Variants in DAPK1 observed in about 807,000 individuals in gnomAD.
DAPK1 encodes death-associated protein kinase 1.
Under a neutral mutation model 144.9 loss-of-function variants are expected in DAPK1, and 56 were observed. The ratio of observed to expected loss-of-function variants is 0.39; its 90% CI spans 0.31 to 0.48. The LOEUF is 0.48. Among genes scored for constraint, DAPK1 ranks in the 20% least tolerant of loss-of-function variants. DAPK1 has a pLI of 0.95. For missense variants in DAPK1, 1,454 were observed against 1,875.4 expected (o/e 0.78, Z 4.15); for synonymous variants, 690 against 749.0 (o/e 0.92, Z 1.29).
At chr9:87,676,672 A>C (rs1179390703) in intron 19 of DAPK1, among the ~76,000 whole-genome samples, 1 of 152,206 alleles carries the variant, frequency 6.6e-6, no homozygotes, top group Non-Finnish European at 1.5e-5. Flanking sequence ...GAGTGGGCAC[A>C]TCTTGGCCAA....
chr9:87,650,146 A>G, intron 16 of DAPK1, 28 bp downstream of exon 16: 1 of 1,611,904 alleles, frequency 6.2e-7, no homozygotes, highest in South Asian at 1.1e-5. Context: ...ACTCATATGC[A>G]CTGGGAAGTG....
rs796563931 is a variant in DAPK1 at position 87,707,373 on chromosome 9, T to C, written c.*9T>C. On this transcript the variant is annotated 3_prime_UTR_variant, in exon 26 of 26. Transcript: ENST00000408954. The surrounding 1 kb of genome is among the most constrained non-coding windows in gnomAD (Gnocchi z 4.0). ...CTGTTGTATCCCGGTGAGGGCAGCC[T>C]CTGGCTTGGGCAGGGTCTGTTTGGA... 9 of 1,578,722 alleles carry C rather than the reference T, an allele frequency of 5.7e-6. No homozygotes were observed. The African/African-American group carries it at 1.1e-4, about 19-fold the overall frequency.
At position 87,706,120 on chromosome 9, in the gene DAPK1, G is replaced by A. The variant is rs372796079; in HGVS notation, c.3061-12G>A. On this transcript the variant is annotated splice_polypyrimidine_tract_variant and intron_variant, in intron 25 of 25. Coordinates refer to ENST00000408954, the MANE Select transcript of DAPK1 (RefSeq NM_004938.4). This position sits in a 1 kb window ranked among gnomAD's most constrained non-coding sequence, Gnocchi z 9.0. ...CTGTCCCTAAGCGTGACTTTCTGTT[G>A]TCCCCCCGCAGATCAACATCATGCA... 1.9e-6 allele frequency: 3 copies of A among 1,570,772 alleles called. No individual in the cohort carries two copies. Among genetic ancestry groups the A allele is most frequent in the Admixed American group, 3.5e-5 (2 of 57,960 alleles).
intron 2 of DAPK1, among the ~76,000 whole-genome samples, chr9:87,579,897 A>G (rs1027872533): frequency 3.3e-5 from 5 of 152,212 alleles, no homozygotes; most frequent in Admixed American, 2.6e-4. Context: ...ACTACTAGGA[A>G]GTAACCACTT....
chr9:87,525,513 C>G, intron 2 of DAPK1: 3 of 1,184,480 alleles, frequency 2.5e-6, no homozygotes, highest in Non-Finnish European at 3.8e-6. Flanking sequence ...GGCATATACT[C>G]AATGAAAAAC....
chr9:87,571,494 C>CAA (rs1554684264), intron 2 of DAPK1, among the ~76,000 whole-genome samples: 1 of 35,140 alleles, frequency 2.8e-5, no homozygotes, highest in Non-Finnish European at 5.7e-5. Context: ...CACACACACA[C>CAA]CCCAACACAC....
chr9:87,587,429 G>C (rs972708431), intron 2 of DAPK1, among the ~76,000 whole-genome samples: 2 of 152,142 alleles, frequency 1.3e-5, no homozygotes, highest in Admixed American at 6.5e-5. Flanking sequence ...GAAATTTGAG[G>C]CTCCTTTGAA....
intron 2 of DAPK1, among the ~76,000 whole-genome samples, chr9:87,569,675 G>A (rs1471930829): frequency 6.6e-6 from 1 of 152,004 alleles, no homozygotes; most frequent in Non-Finnish European, 1.5e-5. Context: ...GTCAATGCGG[G>A]TGCATCCGGG....
chr9:87,679,619 A>C (rs530185716), intron 19 of DAPK1, among the ~76,000 whole-genome samples: 1 of 152,290 alleles, frequency 6.6e-6, no homozygotes, highest in African/African-American at 2.4e-5. Context: ...TATCTCCCCA[A>C]GACCATGGAT....
At chr9:87,626,493 A>C (rs1829500483) in intron 3 of DAPK1, among the ~76,000 whole-genome samples, 1 of 152,216 alleles carries the variant, frequency 6.6e-6, no homozygotes, top group African/African-American at 2.4e-5. Context: ...AAGCAACTTC[A>C]TGAACTGCTG....
Position 87,518,148 on chromosome 9 carries a change from A to G in DAPK1, c.62+19009A>G, listed in dbSNP as rs945403897. 8.3e-5 allele frequency among the ~76,000 whole-genome samples: 11 copies of G among 132,132 alleles called. 1 individual carries two copies. The highest frequency in any genetic ancestry group is 2.7e-4 in the African/African-American group (9 of 33,760). The allele number at this position is 132,132 out of a possible 152,430, so 86.7% of individuals were successfully genotyped here. On this transcript the variant is annotated intron_variant, in intron 2 of 25. Coordinates refer to ENST00000408954, the MANE Select transcript of DAPK1 (RefSeq NM_004938.4). ...TTTTTCTGAGATGGAGTCTGGCTCT[A>G]TCACCCAGGCTGAAGTGCAGTGGCA...
rs768913337 is a variant in DAPK1, at chr9:87,706,245, C to G, written c.3174C>G (p.His1058Gln). Residue 1058 changes from histidine to glutamine, a missense_variant, in exon 26 of 26, where the codon CAC (histidine) becomes CAG (glutamine). Around this residue, in one of 2 missense-constraint regions of DAPK1, gnomAD observed 1,025 missense variants for 1,237.9 expected, o/e 0.83. Transcript: ENST00000408954. The surrounding 1 kb of genome is among the most constrained non-coding windows in gnomAD (Gnocchi z 9.0). Reference sequence around the variant, plus strand: ...CCGTGGAGACCCCACGGGCGCTGCACCACTACCGGGGCCGCTACACCGTGG... The same window carrying G: ...CCGTGGAGACCCCACGGGCGCTGCAGCACTACCGGGGCCGCTACACCGTGG... ...LLSVETPRALHHYRGRYTVED... is the reference protein window; with the variant it reads ...LLSVETPRALQHYRGRYTVED... 1.2e-6 allele frequency: 2 copies of G among 1,613,704 alleles called. No homozygotes were observed. The highest frequency in any genetic ancestry group is 1.3e-5 in the African/African-American group (1 of 74,922).
chr9:87,508,430 C>G (rs1224459211), intron 2 of DAPK1, among the ~76,000 whole-genome samples: 1 of 150,354 alleles, frequency 6.7e-6, no homozygotes, highest in Non-Finnish European at 1.5e-5. Context: ...GCAACCTCCA[C>G]CTCCCGGGTT....
At chr9:87,575,990 A>C (rs1827541649) in intron 2 of DAPK1, among the ~76,000 whole-genome samples, 1 of 152,202 alleles carries the variant, frequency 6.6e-6, no homozygotes, top group African/African-American at 2.4e-5. Context: ...AATGCAGCGA[A>C]GTCCTGAAAC....
intron 2 of DAPK1, among the ~76,000 whole-genome samples, chr9:87,576,618 C>T (rs1411699929): frequency 2.0e-5 from 3 of 152,116 alleles, no homozygotes; most frequent in Admixed American, 1.3e-4. Context: ...AGTGCAATGG[C>T]GCTATCTCGG....
chr9:87,666,500 G>A (rs2119263905), intron 18 of DAPK1, among the ~76,000 whole-genome samples: 1 of 147,754 alleles, frequency 6.8e-6, no homozygotes, highest in East Asian at 2.0e-4. Context: ...TTGAGATGGA[G>A]TCTCATTCTG....
chr9:87,670,692 C>T (rs1305989497), intron 19 of DAPK1, among the ~76,000 whole-genome samples: 2 of 152,158 alleles, frequency 1.3e-5, no homozygotes, highest in East Asian at 1.9e-4. Flanking sequence ...CCACCACTAC[C>T]GCCCTCTGGA....
At chr9:87,677,083 G>C (rs1017405167) in intron 19 of DAPK1, among the ~76,000 whole-genome samples, 4 of 152,228 alleles carry the variant, frequency 2.6e-5, no homozygotes, top group Non-Finnish European at 5.9e-5. Context: ...CATAGCATGA[G>C]CTGGAAGGCG....
At chr9:87,581,396 A>G (rs1207541325) in intron 2 of DAPK1, among the ~76,000 whole-genome samples, 1 of 152,178 alleles carries the variant, frequency 6.6e-6, no homozygotes, top group Admixed American at 6.5e-5. Context: ...GCCTGAGTAC[A>G]AGCCATGATG....
Sources: allele counts gnomAD v4.1 joint callset (sites outside exome capture counted in the v4.1 genomes callset), GRCh38; gene constraint gnomAD v4.1.1; regional missense constraint gnomAD v4.1.1; non-coding constraint Gnocchi (gnomAD v3.1); transcripts MANE v1.5; gene names NCBI Gene and HGNC (gene_info 2026-07-23, HGNC 2026-07-21).